Variants in HGD observed in about 807,000 individuals in gnomAD.
The protein encoded by HGD is homogentisate 1,2-dioxygenase, also known as homogentisate oxidase.
In HGD, 61 loss-of-function variants were observed where a neutral mutation model predicts 60.8. The ratio of observed to expected loss-of-function variants is 1.00; its 90% CI spans 0.82 to 1.24. The LOEUF (loss-of-function observed/expected upper bound fraction) is 1.24, where lower values mean the gene tolerates loss of function less well. Among genes scored for constraint, HGD ranks in the 50% most tolerant of loss-of-function variants. The pLI, the probability that HGD is intolerant of heterozygous loss-of-function variation, is 0.00. For synonymous variants in HGD, 212 were observed against 187.7 expected (o/e 1.13, Z -1.06); for missense variants, 542 against 547.1 (o/e 0.99, Z 0.09).
chr3:120,643,103 G>A (rs145131098), intron 10 of HGD, among the ~76,000 whole-genome samples: 3 of 152,250 alleles, frequency 2.0e-5, no homozygotes, highest in Admixed American at 6.5e-5. Flanking sequence ...ATCATTTTTT[G>A]CAAGGCTAGA....
intron 4 of HGD, among the ~76,000 whole-genome samples, chr3:120,669,074 G>A (rs1707966826): frequency 6.6e-6 from 1 of 152,180 alleles, no homozygotes; most frequent in Non-Finnish European, 1.5e-5. Flanking sequence ...ACCAAAAGGA[G>A]GAAACTCCTA....
intron 4 of HGD, among the ~76,000 whole-genome samples, chr3:120,664,164 G>A (rs951559368): frequency 6.6e-5 from 10 of 152,086 alleles, no homozygotes; most frequent in African/African-American, 1.9e-4. Flanking sequence ...TTTTCTAGAG[G>A]CAGAATGTAC....
At chr3:120,670,233 A>G in intron 4 of HGD, 194 bp downstream of exon 4, 1 of 609,254 alleles carries the variant, frequency 1.6e-6, no homozygotes, top group Non-Finnish European at 2.9e-6. Flanking sequence ...AGTCTTGGTT[A>G]TTTTTTCATA....
chr3:120,674,864 C>T lies in HGD; in HGVS notation c.176+37G>A, dbSNP rs1406648499. 4 of 1,371,768 alleles carry T rather than the reference C, an allele frequency of 2.9e-6. No individual in the cohort carries two copies. In the East Asian group the frequency reaches 6.9e-5, roughly 24 times the overall value. 85.0% of individuals were successfully genotyped at this position (1,371,768 alleles called of 1,614,324 possible). On this transcript the variant is annotated intron_variant, in intron 3 of 13. Coordinates refer to ENST00000283871, the MANE Select transcript of HGD (RefSeq NM_000187.4). ...AGCACAAAGTCCCTGTCATAGTACC[C>T]ACAGTCTGCAGGTCAGAATTCATCT...
At chr3:120,643,632 A>T (rs578189256) in intron 10 of HGD, among the ~76,000 whole-genome samples, 2 of 152,372 alleles carry the variant, frequency 1.3e-5, no homozygotes, top group Non-Finnish European at 2.9e-5. Context: ...AATATAAGGA[A>T]TAAGTCAAAT....
intron 12 of HGD, among the ~76,000 whole-genome samples, chr3:120,634,604 C>A (rs1280577167): frequency 1.3e-5 from 2 of 152,160 alleles, no homozygotes; most frequent in Non-Finnish European, 2.9e-5. Context: ...ACAACAACAA[C>A]ATAGCCTTTA....
rs1302533696 is a variant in HGD, at chr3:120,682,022, T to C, written c.15+75A>G. 7.3e-6 allele frequency: 10 copies of C among 1,377,710 alleles called. No individual in the cohort carries two copies. The East Asian group carries it at 1.4e-4, about 19-fold the overall frequency. The allele number at this position is 1,377,710 out of a possible 1,614,324, so 85.3% of individuals were successfully genotyped here. On this transcript the variant is annotated intron_variant, in intron 1 of 13. Transcript: ENST00000283871. ...CTCTCTAAGTCTTTTCCAACTCTGATACCCTGAAGTTCTCAGAAACTTCCA... is the reference window on the plus strand; with the variant it reads ...CTCTCTAAGTCTTTTCCAACTCTGACACCCTGAAGTTCTCAGAAACTTCCA...
chr3:120,660,677 T>TCTCTACTAAAAAAAAAAAAAAAA, intron 4 of HGD, among the ~76,000 whole-genome samples: 3 of 152,222 alleles, frequency 2.0e-5, no homozygotes, highest in African/African-American at 7.2e-5. Context: ...ATACAAAAAT[T>TCTCTACTAAAAAAAAAAAAAAAA]AGCCGGGCAT....
chr3:120,675,090 T>C (rs1315755095), intron 2 of HGD, 101 bp from the exon 3 acceptor site: 2 of 782,176 alleles, frequency 2.6e-6, no homozygotes, highest in Non-Finnish European at 4.6e-6. Flanking sequence ...TCTGGGCGAC[T>C]GCACATGACC....
At chr3:120,660,297 A>T (rs1487205348) in intron 4 of HGD, among the ~76,000 whole-genome samples, 3 of 152,222 alleles carry the variant, frequency 2.0e-5, no homozygotes, top group Admixed American at 2.0e-4. Flanking sequence ...GTTAGCAGAG[A>T]GATCCAGGGT....
intron 4 of HGD, among the ~76,000 whole-genome samples, chr3:120,667,408 G>T (rs959133595): frequency 6.8e-6 from 1 of 147,190 alleles, no homozygotes; most frequent in Admixed American, 6.8e-5. Context: ...TATGTCACAC[G>T]AACTCCAAAA....
At chr3:120,649,066 T>C (rs978450581) in intron 6 of HGD, among the ~76,000 whole-genome samples, 11 of 151,896 alleles carry the variant, frequency 7.2e-5, no homozygotes, top group Non-Finnish European at 1.6e-4. Context: ...CCTAGGAAGC[T>C]CTTGTTTAGG....
At chr3:120,669,483 A>ACACACACACACACC (rs1455844316) in intron 4 of HGD, among the ~76,000 whole-genome samples, 1 of 148,470 alleles carries the variant, frequency 6.7e-6, no homozygotes, top group African/African-American at 2.5e-5. Context: ...ACACACACAC[A>ACACACACACACACC]CACGCAGACT....
intron 6 of HGD, among the ~76,000 whole-genome samples, chr3:120,648,307 C>G (rs1485948979): frequency 6.6e-6 from 1 of 152,186 alleles, no homozygotes; most frequent in Non-Finnish European, 1.5e-5. Flanking sequence ...ACAGCAAGTG[C>G]AAGTGCTTAG....
intron 11 of HGD, among the ~76,000 whole-genome samples, chr3:120,639,556 G>A (rs1940901779): frequency 6.6e-6 from 1 of 152,110 alleles, no homozygotes; most frequent in African/African-American, 2.4e-5. Context: ...TTACCCCGTG[G>A]GTCTGAGAAC....
chr3:120,660,739 C>T (rs900969940), intron 4 of HGD, among the ~76,000 whole-genome samples: 3 of 152,124 alleles, frequency 2.0e-5, no homozygotes, highest in Non-Finnish European at 2.9e-5. Context: ...GCAGGAGAAT[C>T]GCTTGAACCC....
chr3:120,669,582 T>G (rs1486581124), intron 4 of HGD, among the ~76,000 whole-genome samples: 1 of 152,146 alleles, frequency 6.6e-6, no homozygotes, highest in Non-Finnish European at 1.5e-5. Context: ...ATAACCTAAT[T>G]GGATGTGTAA....
At chr3:120,630,064 C>G (rs1940535135) in intron 13 of HGD, among the ~76,000 whole-genome samples, 1 of 152,144 alleles carries the variant, frequency 6.6e-6, no homozygotes, top group Non-Finnish European at 1.5e-5. Flanking sequence ...ATACCCCTAA[C>G]CAGAGAGGTG....
At chr3:120,681,672 A>C (rs1264562040) in intron 1 of HGD, among the ~76,000 whole-genome samples, 3 of 152,218 alleles carry the variant, frequency 2.0e-5, no homozygotes, top group African/African-American at 7.2e-5. Flanking sequence ...CTTCTGGCCA[A>C]GGGCTGATTC....
Sources: allele counts gnomAD v4.1 joint callset (sites outside exome capture counted in the v4.1 genomes callset), GRCh38; gene constraint gnomAD v4.1.1; transcripts MANE v1.5; gene names NCBI Gene and HGNC (gene_info 2026-07-23, HGNC 2026-07-21).